Variants in PJA2 observed in about 807,000 individuals in gnomAD.
The protein encoded by PJA2 is E3 ubiquitin-protein ligase Praja-2.
PJA2 carries 25 observed loss-of-function variants against 69.3 expected under a neutral mutation model. The observed-to-expected ratio is 0.36, with a 90% confidence interval of 0.26 to 0.50. The LOEUF (loss-of-function observed/expected upper bound fraction) is 0.50. Among genes scored for constraint, PJA2 ranks in the 20% least tolerant of loss-of-function variants. The probability of loss-of-function intolerance (pLI) is 0.96; values close to 1 mark genes in which losing one functional copy is unlikely to be tolerated. For missense variants in PJA2, 809 were observed against 830.2 expected (o/e 0.97, Z 0.31); for synonymous variants, 308 against 277.8 (o/e 1.11, Z -1.08).
intron 1 of PJA2, among the ~76,000 whole-genome samples, chr5:109,403,929 G>A (rs1466701001): frequency 6.6e-6 from 1 of 151,986 alleles, no homozygotes; most frequent in Non-Finnish European, 1.5e-5. Flanking sequence ...AAGTTAGCCA[G>A]GCTTGGTGGC....
At chr5:109,390,568 A>C (rs1437505339) in intron 1 of PJA2, 1 of 152,008 alleles carries the variant, frequency 6.6e-6, no homozygotes, top group Admixed American at 6.6e-5. Context: ...TAATCCATTC[A>C]CATTTAACAT....
chr5:109,366,605 A>G (rs1371599541), intron 5 of PJA2, among the ~76,000 whole-genome samples: 3 of 152,316 alleles, frequency 2.0e-5, no homozygotes, highest in Non-Finnish European at 4.4e-5. Flanking sequence ...TCACATGTGT[A>G]ATGTACTGGG....
chr5:109,399,750 T>C (rs1747497936), intron 1 of PJA2, among the ~76,000 whole-genome samples: 1 of 152,148 alleles, frequency 6.6e-6, no homozygotes, highest in Non-Finnish European at 1.5e-5. Context: ...AAAACCCTCT[T>C]TATCAAGAGA....
rs996619934 is a variant in PJA2, at chr5:109,409,968, C to CGGCGGT, written c.-220_-215dup. 6.0e-5 allele frequency: 13 copies of CGGCGGT among 215,660 alleles called. No homozygotes were observed. The highest frequency in any genetic ancestry group is 1.1e-4 in the Non-Finnish European group (12 of 109,760). The allele number at this position is 215,660 out of a possible 1,614,324, so 13.4% of individuals were successfully genotyped here. A position where few individuals can be genotyped will look rare whatever the true frequency, so the allele number is the denominator to read the frequency against. ...CGGCTGGCGGCTGTGGCGGCGGCGGCGGCGGTGGCGGCGGCGGAAGCAGAG... is the reference window on the plus strand; with the variant it reads ...CGGCTGGCGGCTGTGGCGGCGGCGGCGGCGGTGGCGGTGGCGGCGGCGGAAGCAGAG... On this transcript the variant is annotated 5_prime_UTR_variant, in exon 1 of 10. Transcript: ENST00000361189.
At chr5:109,389,149 A>T (rs779535633) in intron 1 of PJA2, among the ~76,000 whole-genome samples, 1 of 152,184 alleles carries the variant, frequency 6.6e-6, no homozygotes, top group Non-Finnish European at 1.5e-5. Flanking sequence ...TATCAAGATT[A>T]TACTAAAGTC....
At chr5:109,409,655 G>GCT (rs1747783673) in intron 1 of PJA2, among the ~76,000 whole-genome samples, 187 bp downstream of exon 1, 1 of 151,954 alleles carries the variant, frequency 6.6e-6, no homozygotes, top group Admixed American at 6.5e-5. Flanking sequence ...AGGAGGCGAA[G>GCT]AAGGCCTCCC....
chr5:109,338,170 C>T (rs111690538), intron 9 of PJA2, among the ~76,000 whole-genome samples: 2,155 of 152,010 alleles, frequency 0.014, 42 homozygotes, highest in African/African-American at 0.049. Flanking sequence ...ATCATGCTGT[C>T]GAAGGCAACA....
At chr5:109,367,778 T>C (rs1332639401) in intron 5 of PJA2, among the ~76,000 whole-genome samples, 2 of 152,162 alleles carry the variant, frequency 1.3e-5, no homozygotes, top group Non-Finnish European at 2.9e-5. Flanking sequence ...GCAAGGGAAG[T>C]TGAATATTAG....
chr5:109,390,303 T>C (rs1455156438), intron 1 of PJA2, among the ~76,000 whole-genome samples: 1 of 152,022 alleles, frequency 6.6e-6, no homozygotes, highest in African/African-American at 2.4e-5. Context: ...AATTATGTCT[T>C]CTTGATAAAT....
At chr5:109,356,356 A>C (rs1762412782) in intron 6 of PJA2, among the ~76,000 whole-genome samples, 1 of 152,218 alleles carries the variant, frequency 6.6e-6, no homozygotes, top group South Asian at 2.1e-4. Context: ...CCCAAATCTG[A>C]AAATCTGAAA....
rs903430193 is a variant in PJA2 at position 109,409,963 on chromosome 5, G to C, written c.-209C>G. 2 of 216,278 alleles carry C rather than the reference G, an allele frequency of 9.2e-6. No homozygotes were observed. Among genetic ancestry groups the C allele is most frequent in the East Asian group, 1.7e-4 (1 of 6,056 alleles). The allele number at this position is 216,278 out of a possible 1,614,324, so 13.4% of individuals were successfully genotyped here. A position where few individuals can be genotyped will look rare whatever the true frequency, so the allele number is the denominator to read the frequency against. ...CGAAGCGGCTGGCGGCTGTGGCGGC[G>C]GCGGCGGCGGTGGCGGCGGCGGAAG... On this transcript the variant is annotated 5_prime_UTR_variant, in exon 1 of 10. Coordinates refer to ENST00000361189, the MANE Select transcript of PJA2 (RefSeq NM_014819.5).
In PJA2 at chr5:109,335,347, A is replaced by G. The variant is rs1761920779; in HGVS notation, c.*1884T>C. The G allele has an allele frequency of 6.5e-6, 1 of 152,672 alleles. No homozygotes were observed. Among genetic ancestry groups the G allele is most frequent in the Admixed American group, 6.5e-5 (1 of 15,278 alleles). 9.5% of individuals were successfully genotyped at this position (152,672 alleles called of 1,614,324 possible). On this transcript the variant is annotated 3_prime_UTR_variant, in exon 10 of 10. Transcript: ENST00000361189. Reference sequence around the variant, plus strand: ...AGCTATCTTAAGTTCAGCTCTCAACATTGCTGGTTGAGTTTGGAACCAAAA... The same window carrying G: ...AGCTATCTTAAGTTCAGCTCTCAACGTTGCTGGTTGAGTTTGGAACCAAAA...
chr5:109,344,657 T>TAAAA (rs1762144055), intron 8 of PJA2, 48 bp downstream of exon 8: 2 of 1,257,192 alleles, frequency 1.6e-6, no homozygotes, highest in Non-Finnish European at 2.3e-6. Flanking sequence ...ATAATATACT[T>TAAAA]AAATGTACAA....
chr5:109,338,246 T>C (rs1761980504), intron 9 of PJA2, among the ~76,000 whole-genome samples: 1 of 152,188 alleles, frequency 6.6e-6, no homozygotes, highest in Admixed American at 6.5e-5. Flanking sequence ...CTAAGGTATT[T>C]CCTGACAGGA....
intron 1 of PJA2, among the ~76,000 whole-genome samples, chr5:109,394,770 T>C (rs1747370469): frequency 6.6e-6 from 1 of 152,130 alleles, no homozygotes; most frequent in South Asian, 2.1e-4. Context: ...AGATAAACAT[T>C]AGAGAATAAG....
At chr5:109,361,543 G>A (rs1451563543) in intron 6 of PJA2, among the ~76,000 whole-genome samples, 1 of 152,172 alleles carries the variant, frequency 6.6e-6, no homozygotes, top group Non-Finnish European at 1.5e-5. Context: ...ACACTTTGAG[G>A]AATTACTTTG....
rs1761962636 is a variant in PJA2 at position 109,337,238 on chromosome 5, G to A, written c.2120C>T (p.Ala707Val). 3 of 1,613,504 alleles carry A rather than the reference G, an allele frequency of 1.9e-6. No homozygotes were observed. Among genetic ancestry groups the A allele is most frequent in the Non-Finnish European group, 2.5e-6 (3 of 1,179,846 alleles). Residue 707 changes from alanine (A) to valine (V), a missense_variant, in exon 10 of 10, where the codon GCA (alanine) becomes GTA (valine). Ala to Val is a moderately conservative substitution (Grantham distance 64, BLOSUM62 0). Coordinates refer to ENST00000361189, the MANE Select transcript of PJA2 (RefSeq NM_014819.5). ...APPSNDSIAE[A>V]P ...CATTTCAACTGTCAAGGTTTAGGGT[G>A]CTTCTGCAATACTGTCATTTGAAGG...
At chr5:109,344,012 G>T (rs1248031006) in intron 9 of PJA2, among the ~76,000 whole-genome samples, 178 bp downstream of exon 9, 2 of 149,358 alleles carry the variant, frequency 1.3e-5, no homozygotes, top group Admixed American at 1.3e-4. Flanking sequence ...CAGGAGAATC[G>T]CTTGAACCCT....
At chr5:109,350,250 T>C (rs925652732) in intron 7 of PJA2, among the ~76,000 whole-genome samples, 10 of 151,670 alleles carry the variant, frequency 6.6e-5, no homozygotes, top group African/African-American at 1.2e-4. Context: ...AAGCAAAAGA[T>C]AGCCTTTTAA....
Sources: allele counts gnomAD v4.1 joint callset (sites outside exome capture counted in the v4.1 genomes callset), GRCh38; gene constraint gnomAD v4.1.1; transcripts MANE v1.5; gene names NCBI Gene and HGNC (gene_info 2026-07-23, HGNC 2026-07-21).